Variants in EPS15L1 observed in about 807,000 individuals in gnomAD.
EPS15L1 encodes the protein epidermal growth factor receptor substrate 15-like 1.
EPS15L1 carries 43 observed loss-of-function variants against 117.1 expected under a neutral mutation model. That is an observed-to-expected ratio of 0.37 (90% CI 0.29 to 0.47). EPS15L1 has a LOEUF of 0.47. Among genes scored for constraint, EPS15L1 ranks in the 20% least tolerant of loss-of-function variants. The probability of loss-of-function intolerance (pLI) is 0.99; values close to 1 mark genes in which losing one functional copy is unlikely to be tolerated. For missense variants in EPS15L1, 981 were observed against 1,164.0 expected (o/e 0.84, Z 2.29); for synonymous variants, 459 against 470.5 (o/e 0.98, Z 0.32).
At position 16,371,500 on chromosome 19, in the gene EPS15L1, C is replaced by T. The variant is rs866616364; in HGVS notation, c.2380+5622G>A. 9.9e-5 allele frequency among the ~76,000 whole-genome samples: 15 copies of T among 152,170 alleles called. No homozygotes were observed. Among genetic ancestry groups the T allele is most frequent in the African/African-American group, 3.6e-4 (15 of 41,428 alleles). ...AGGGGGCGAAAAGACATGCTCATCA[C>T]CATCACCTATGCGGCTTTGTTTAGG... On this transcript the variant is annotated intron_variant, in intron 22 of 23. Coordinates refer to ENST00000455140, the MANE Select transcript of EPS15L1 (RefSeq NM_001258374.3). This position sits in a 1 kb window ranked among gnomAD's most constrained non-coding sequence, Gnocchi z 4.7.
chr19:16,438,362 TAAATA>T (rs1236228333), intron 4 of EPS15L1, among the ~76,000 whole-genome samples: 1 of 151,872 alleles, frequency 6.6e-6, no homozygotes, highest in African/African-American at 2.4e-5. Context: ...TCAAAATAAA[TAAATA>T]AAATAAAATA....
At chr19:16,379,801 T>C (rs751509791) in intron 21 of EPS15L1, among the ~76,000 whole-genome samples, 1 of 151,972 alleles carries the variant, frequency 6.6e-6, no homozygotes, top group Non-Finnish European at 1.5e-5. Flanking sequence ...GGCTCCAGTA[T>C]CTAGTCACAC....
At chr19:16,402,283 C>A in intron 16 of EPS15L1, 38 bp downstream of exon 16, 1 of 1,556,004 alleles carries the variant, frequency 6.4e-7, no homozygotes, top group African/African-American at 1.4e-5. Flanking sequence ...ACCAGGGGAC[C>A]AGAGCCCCAT....
chr19:16,428,886 C>T (rs756994627), intron 7 of EPS15L1, 125 bp from the exon 8 acceptor site: 5 of 704,768 alleles, frequency 7.1e-6, no homozygotes, highest in Non-Finnish European at 1.3e-5. Flanking sequence ...AGTCAATATA[C>T]ATTTCAGGAC....
chr19:16,361,512 T>C, intron 23 of EPS15L1: 1 of 1,055,818 alleles, frequency 9.5e-7, no homozygotes. Flanking sequence ...GAATCTACCG[T>C]GAAGGACAGA....
At chr19:16,403,601 CACCA>C (rs2092624330) in intron 15 of EPS15L1, 128 bp downstream of exon 15, 12 of 864,532 alleles carry the variant, frequency 1.4e-5, no homozygotes, top group Non-Finnish European at 2.0e-5. Flanking sequence ...TCCAGGCCAG[CACCA>C]CAGCCTCCCA....
chr19:16,417,295 C>A (rs1370757271), intron 12 of EPS15L1: 1 of 460,840 alleles, frequency 2.2e-6, no homozygotes. Context: ...CACACAGCTG[C>A]CACCCACAGG....
At chr19:16,395,041 G>A (rs1367269733) in intron 17 of EPS15L1, among the ~76,000 whole-genome samples, 2 of 151,956 alleles carry the variant, frequency 1.3e-5, no homozygotes, top group Non-Finnish European at 2.9e-5. Flanking sequence ...GCAACACAGT[G>A]AAACCCCAAC....
intron 1 of EPS15L1, among the ~76,000 whole-genome samples, chr19:16,458,283 C>T (rs1407495566): frequency 6.6e-6 from 1 of 152,144 alleles, no homozygotes; most frequent in African/African-American, 2.4e-5. Flanking sequence ...CCCCTCGAGG[C>T]TCCCGGACCC....
Position 16,464,889 on chromosome 19 carries a change from C to G in EPS15L1, c.33+7024G>C, listed in dbSNP as rs141992490. On this transcript the variant is annotated intron_variant, in intron 1 of 23. Transcript: ENST00000455140. ...ACAAGGTCAGATCGAGACCATCCTG[C>G]CTAACCAGTGAAACCCCGTCTCTAC... is the stretch of plus-strand genomic sequence containing the variant. 3.8e-3 allele frequency among the ~76,000 whole-genome samples: 578 copies of G among 151,388 alleles called. 3 individuals are homozygous for G. Among genetic ancestry groups the G allele is most frequent in the East Asian group, 0.027 (139 of 5,158 alleles).
chr19:16,379,161 C>T (rs1359886021), intron 21 of EPS15L1, among the ~76,000 whole-genome samples: 2 of 152,026 alleles, frequency 1.3e-5, no homozygotes, highest in Admixed American at 6.6e-5. Flanking sequence ...AAAAATTAGC[C>T]GGTCGTGGTG....
chr19:16,446,946 T>TGAAACACTGAAACACTGA (rs1215600846), intron 1 of EPS15L1, among the ~76,000 whole-genome samples: 2 of 152,224 alleles, frequency 1.3e-5, no homozygotes, highest in Non-Finnish European at 2.9e-5. Context: ...GTTAGGCATA[T>TGAAACACTGAAACACTGA]AACACTGAAA....
At chr19:16,358,225 G>A (rs182154960) in intron 23 of EPS15L1, 4 of 152,914 alleles carry the variant, frequency 2.6e-5, no homozygotes, top group African/African-American at 9.6e-5. Flanking sequence ...AAAGTTCCTG[G>A]TGCCTTCAGA....
chr19:16,441,709 G>C (rs2093033474), intron 3 of EPS15L1, 183 bp downstream of exon 3: 1 of 472,524 alleles, frequency 2.1e-6, no homozygotes, highest in Admixed American at 3.5e-5. Flanking sequence ...TACCAAAGTA[G>C]TGGTGGGGGC....
intron 16 of EPS15L1, chr19:16,401,536 G>C (rs913077099): frequency 1.0e-6 from 1 of 985,720 alleles, no homozygotes; most frequent in East Asian, 1.1e-4. Context: ...TGCGCGGCCC[G>C]GCCCATCCGC....
intron 22 of EPS15L1, among the ~76,000 whole-genome samples, chr19:16,367,985 G>GAC (rs2092162769): frequency 6.7e-6 from 1 of 149,656 alleles, no homozygotes; most frequent in Non-Finnish European, 1.5e-5. Flanking sequence ...GAGAGAGAGA[G>GAC]TGTGTGTGTG....
chr19:16,363,155 C>G (rs1229565797), intron 22 of EPS15L1, among the ~76,000 whole-genome samples: 2 of 152,178 alleles, frequency 1.3e-5, no homozygotes, highest in African/African-American at 2.4e-5. Flanking sequence ...GCCGGGCTGA[C>G]TCCATGCTCC....
Position 16,365,674 on chromosome 19 carries a change from A to G in EPS15L1, c.2381-3690T>C, listed in dbSNP as rs1386605088. Among the ~76,000 whole-genome samples the G allele has an allele frequency of 6.6e-6, 1 of 152,176 alleles. No homozygotes were observed. The highest frequency in any genetic ancestry group is 2.4e-5 in the African/African-American group (1 of 41,440). The stretch of plus-strand genomic sequence containing the variant: ...GACAGTGACCTCAGCCAGTCCCTCG[A>G]GCCCCTGCCTGCTTCTGCCCAGCTT... On this transcript the variant is annotated intron_variant, in intron 22 of 23. Coordinates refer to ENST00000455140, the MANE Select transcript of EPS15L1 (RefSeq NM_001258374.3). The surrounding 1 kb of genome is among the most constrained non-coding windows in gnomAD (Gnocchi z 4.9).
At chr19:16,433,039 G>A (rs565531559) in intron 7 of EPS15L1, among the ~76,000 whole-genome samples, 1 of 151,752 alleles carries the variant, frequency 6.6e-6, no homozygotes, top group Admixed American at 6.6e-5. Flanking sequence ...TCAAACTCCT[G>A]GACTCAAGTA....
Sources: allele counts gnomAD v4.1 joint callset (sites outside exome capture counted in the v4.1 genomes callset), GRCh38; gene constraint gnomAD v4.1.1; non-coding constraint Gnocchi (gnomAD v3.1); transcripts MANE v1.5; gene names NCBI Gene and HGNC (gene_info 2026-07-23, HGNC 2026-07-21).